The following SLC44A5 variants were observed in gnomAD, a reference collection of about 807,000 sequenced individuals.
SLC44A5 encodes the protein choline transporter-like protein 5.
SLC44A5 carries 57 observed loss-of-function variants against 101.8 expected under a neutral mutation model. That is an observed-to-expected ratio of 0.56 (90% CI 0.45 to 0.70). SLC44A5 has a LOEUF of 0.70. Among genes scored for constraint, SLC44A5 ranks in the 30% least tolerant of loss-of-function variants. The pLI is 0.00. For missense variants in SLC44A5, 737 were observed against 853.1 expected (o/e 0.86, Z 1.70); for synonymous variants, 281 against 290.9 (o/e 0.97, Z 0.35).
At chr1:75,302,140 T>C (rs1290798110) in intron 4 of SLC44A5, among the ~76,000 whole-genome samples, 1 of 127,460 alleles carries the variant, frequency 7.8e-6, no homozygotes, top group African/African-American at 2.7e-5. Context: ...TTTTTTTGGT[T>C]AACAACCATT....
In SLC44A5 at chr1:75,548,684, G is replaced by A. The variant is rs555792963; in HGVS notation, c.-69-7168C>T. Reference sequence around the variant, plus strand: ...CATCAAGAAACAGCCAACATCAATTGTTTAGAGTGAAAATTTGAAACTTGG... The same window carrying A: ...CATCAAGAAACAGCCAACATCAATTATTTAGAGTGAAAATTTGAAACTTGG... On this transcript the variant is annotated intron_variant, in intron 1 of 23. Coordinates refer to ENST00000370859, the MANE Select transcript of SLC44A5 (RefSeq NM_001130058.2). Among the ~76,000 whole-genome samples, 332 of 152,182 alleles carry A rather than the reference G, an allele frequency of 2.2e-3. 3 individuals are homozygous for A. The highest frequency in any genetic ancestry group is 3.9e-3 in the Non-Finnish European group (265 of 67,966).
the SLC44A5 span, among the ~76,000 whole-genome samples, chr1:75,666,448 T>C: frequency 6.6e-6 from 1 of 152,152 alleles, no homozygotes; most frequent in Middle Eastern, 3.2e-3. Flanking sequence ...CAGTAATTAG[T>C]AGCCTACCAA....
At chr1:75,297,425 C>A (rs535377628) in intron 5 of SLC44A5, among the ~76,000 whole-genome samples, 25 of 152,258 alleles carry the variant, frequency 1.6e-4, no homozygotes, top group Admixed American at 1.2e-3. Context: ...GCTGAGACTA[C>A]AGGAGCACAC....
At chr1:75,676,239 A>G in the SLC44A5 span, among the ~76,000 whole-genome samples, 89 of 152,372 alleles carry the variant, frequency 5.8e-4, 1 homozygote, top group African/African-American at 2.0e-3. Context: ...ATAAAAATAC[A>G]TGCACACATA....
rs200333189 is a variant in SLC44A5, at chr1:75,222,408, G to A, written c.1038C>T (p.Leu346=). The A allele has an allele frequency of 1.2e-4, 190 of 1,613,510 alleles. No individual in the cohort carries two copies. The highest frequency in any genetic ancestry group is 1.5e-4 in the Non-Finnish European group (175 of 1,179,876). The change falls in exon 14 of 24, where the codon CTC becomes CTT. Residue 346 remains leucine (L), a synonymous_variant. Transcript: ENST00000370859. ...EVIVILMLIF[L]RNRIRVAIIL... is the part of the protein sequence containing the mutation. ...TAATGGCGACTCGGATTCGATTCCT[G>A]AGGAAGATCAGCATGAGGATGACAA...
At chr1:75,268,561 G>A (rs914990587) in intron 6 of SLC44A5, among the ~76,000 whole-genome samples, 1 of 151,784 alleles carries the variant, frequency 6.6e-6, no homozygotes, top group Non-Finnish European at 1.5e-5. Context: ...ATATAATAGG[G>A]GCTCAGAAAT....
At chr1:75,272,002 G>A (rs1651519167) in intron 6 of SLC44A5, among the ~76,000 whole-genome samples, 1 of 151,936 alleles carries the variant, frequency 6.6e-6, no homozygotes, top group African/African-American at 2.4e-5. Flanking sequence ...TTTAATTATG[G>A]CCATTCTTGC....
chr1:75,587,936 G>C (rs915667461), intron 1 of SLC44A5, among the ~76,000 whole-genome samples: 5 of 152,146 alleles, frequency 3.3e-5, no homozygotes, highest in Non-Finnish European at 7.3e-5. Context: ...TTTCCTTGCT[G>C]TGAAAAACGT....
At chr1:75,327,828 G>A (rs1397888173) in intron 4 of SLC44A5, among the ~76,000 whole-genome samples, 1 of 152,192 alleles carries the variant, frequency 6.6e-6, no homozygotes, top group African/African-American at 2.4e-5. Flanking sequence ...ATTAAGAAAG[G>A]CATGTTAGTG....
intron 5 of SLC44A5, among the ~76,000 whole-genome samples, chr1:75,300,130 CTAG>C (rs1183476664): frequency 3.1e-5 from 1 of 32,630 alleles, no homozygotes; most frequent in Non-Finnish European, 6.8e-5. Flanking sequence ...TATATCTTTG[CTAG>C]CTATCACTTG....
chr1:75,691,208 G>C, the SLC44A5 span, among the ~76,000 whole-genome samples: 1 of 152,144 alleles, frequency 6.6e-6, no homozygotes, highest in South Asian at 2.1e-4. Context: ...CAGCATTTGG[G>C]AACCTCCCCT....
At chr1:75,582,422 G>A in intron 1 of SLC44A5, 1 of 695,992 alleles carries the variant, frequency 1.4e-6, no homozygotes, top group Admixed American at 2.2e-5. Flanking sequence ...GCATGATCAT[G>A]CCCACATTGC....
At chr1:75,297,275 A>G (rs694841) in intron 5 of SLC44A5, among the ~76,000 whole-genome samples, 42 of 152,170 alleles carry the variant, frequency 2.8e-4, no homozygotes, top group African/African-American at 9.9e-4. Flanking sequence ...AAAACAAATT[A>G]AAATTATTTA....
At chr1:75,369,600 G>A (rs748562070) in intron 3 of SLC44A5, among the ~76,000 whole-genome samples, 3 of 152,134 alleles carry the variant, frequency 2.0e-5, no homozygotes, top group Non-Finnish European at 2.9e-5. Context: ...GGGGAAAAAT[G>A]TAAATGTCTC....
chr1:75,432,583 A>G (rs1186083588), intron 2 of SLC44A5, among the ~76,000 whole-genome samples: 1 of 152,172 alleles, frequency 6.6e-6, no homozygotes, highest in Non-Finnish European at 1.5e-5. Context: ...ACTGGTTATA[A>G]TGGTCTACAT....
intron 2 of SLC44A5, among the ~76,000 whole-genome samples, chr1:75,452,939 G>A (rs555618692): frequency 1.3e-5 from 2 of 152,168 alleles, no homozygotes; most frequent in South Asian, 4.2e-4. Flanking sequence ...ACATAATAGT[G>A]AGGGACTTCA....
At chr1:75,690,669 C>G in the SLC44A5 span, among the ~76,000 whole-genome samples, 2 of 152,122 alleles carry the variant, frequency 1.3e-5, no homozygotes, top group Non-Finnish European at 2.9e-5. Flanking sequence ...CTAGGTTTTA[C>G]CTAGGACCTC....
intron 13 of SLC44A5, 87 bp from the exon 14 acceptor site, chr1:75,222,547 G>A: frequency 1.3e-6 from 1 of 749,932 alleles, no homozygotes. Flanking sequence ...TGAACTTTAT[G>A]ATTATTTCTG....
chr1:75,206,819 T>C, intron 23 of SLC44A5: 2 of 707,694 alleles, frequency 2.8e-6, no homozygotes, highest in Non-Finnish European at 2.4e-6. Flanking sequence ...ATCAGAAAAA[T>C]CAGTGTTAGA....
Sources: gnomAD v4.1 joint callset for allele counts (sites outside exome capture counted in the v4.1 genomes callset) on GRCh38, gnomAD v4.1.1 for gene constraint, MANE v1.5 for transcripts, NCBI Gene and HGNC (gene_info 2026-07-23, HGNC 2026-07-21) for gene names.